The following PTPRD variants were observed in gnomAD, a reference collection of about 807,000 sequenced individuals.
PTPRD encodes the protein receptor-type tyrosine-protein phosphatase delta.
A neutral mutation model predicts 214.5 loss-of-function variants in PTPRD; 34 were observed. The ratio of observed to expected loss-of-function variants is 0.16; its 90% CI spans 0.12 to 0.21. The LOEUF is 0.21. Ranked by LOEUF, PTPRD falls within the 10% of genes least tolerant of loss-of-function variation. The pLI, the probability that PTPRD is intolerant of heterozygous loss-of-function variation, is 1.00. For synonymous variants in PTPRD, 1,128 were observed against 845.7 expected, an observed-to-expected ratio of 1.33 and a Z score of -5.79; for missense variants, 2,545 against 2,398.7, an observed-to-expected ratio of 1.06 and a Z score of -1.27.
chr9:9,117,939 T>C lies in PTPRD; in HGVS notation c.-143+65365A>G, dbSNP rs191708667. 2.0e-5 allele frequency among the ~76,000 whole-genome samples: 3 copies of C among 152,278 alleles called. No individual in the cohort carries two copies. In the East Asian group the frequency reaches 5.8e-4, roughly 29 times the overall value. ...GTGGCATCTGAAGTTTACACGATGT[T>C]GATGCTGTTTTTTTGGAAAAATAAA... On this transcript the variant is annotated intron_variant, in intron 10 of 45. Transcript: ENST00000381196.
chr9:9,371,806 T>A (rs1026961685), intron 9 of PTPRD, among the ~76,000 whole-genome samples: 2 of 152,166 alleles, frequency 1.3e-5, no homozygotes, highest in Non-Finnish European at 1.5e-5. Flanking sequence ...GATTCTGGTA[T>A]GTTGTGTCTT....
At chr9:9,434,835 A>G (rs1183139800) in intron 8 of PTPRD, among the ~76,000 whole-genome samples, 1 of 148,740 alleles carries the variant, frequency 6.7e-6, no homozygotes, top group Non-Finnish European at 1.5e-5. Context: ...CAGATTATAT[A>G]TTATTTTTAT....
chr9:10,165,236 A>G (rs1190830600), intron 3 of PTPRD, among the ~76,000 whole-genome samples: 1 of 151,676 alleles, frequency 6.6e-6, no homozygotes, highest in Admixed American at 6.6e-5. Context: ...AAGTAACATC[A>G]AGTTAATCTT....
chr9:8,434,208 C>A (rs777072292), intron 35 of PTPRD, among the ~76,000 whole-genome samples: 10 of 152,176 alleles, frequency 6.6e-5, no homozygotes, highest in Non-Finnish European at 1.3e-4. Flanking sequence ...TCCCGAACTC[C>A]TGAACTCAGG....
chr9:9,796,949 T>G (rs1037382334), intron 5 of PTPRD, among the ~76,000 whole-genome samples: 21 of 152,164 alleles, frequency 1.4e-4, no homozygotes, highest in Non-Finnish European at 2.5e-4. Flanking sequence ...ATCTGAATAG[T>G]AATATTTAAA....
intron 8 of PTPRD, among the ~76,000 whole-genome samples, chr9:9,552,255 G>A (rs917599293): frequency 3.3e-5 from 5 of 151,938 alleles, no homozygotes; most frequent in African/African-American, 1.2e-4. Flanking sequence ...CAGAAGGAAA[G>A]CAGTACATAA....
chr9:9,468,562 G>C (rs921484621), intron 8 of PTPRD, among the ~76,000 whole-genome samples: 2 of 151,890 alleles, frequency 1.3e-5, no homozygotes, highest in African/African-American at 2.4e-5. Context: ...GGACATATCA[G>C]TTATTAATAT....
intron 11 of PTPRD, among the ~76,000 whole-genome samples, chr9:9,004,688 T>C (rs960551988): frequency 6.6e-6 from 1 of 152,008 alleles, no homozygotes; most frequent in Non-Finnish European, 1.5e-5. Flanking sequence ...AGGGCAAAAC[T>C]GCCTGCGGAG....
chr9:8,709,269 C>T (rs1407041856), intron 12 of PTPRD, among the ~76,000 whole-genome samples: 2 of 151,984 alleles, frequency 1.3e-5, no homozygotes, highest in Admixed American at 1.3e-4. Context: ...AATGCCAGCA[C>T]TTTGGGAGGC....
intron 11 of PTPRD, among the ~76,000 whole-genome samples, chr9:8,948,547 ATATATTTATATATATT>A (rs2099084540): frequency 1.1e-5 from 1 of 87,662 alleles, no homozygotes; most frequent in East Asian, 3.0e-4. Flanking sequence ...ATATATTTAT[ATATATTTATATATATT>A]TATATATATA....
intron 14 of PTPRD, among the ~76,000 whole-genome samples, chr9:8,569,829 T>G (rs1310191251): frequency 6.6e-6 from 1 of 152,164 alleles, no homozygotes; most frequent in Non-Finnish European, 1.5e-5. Context: ...TTGTAAAACT[T>G]CCATTTGAAT....
At chr9:8,435,698 AAT>A (rs144439068) in intron 35 of PTPRD, among the ~76,000 whole-genome samples, 1 of 106,792 alleles carries the variant, frequency 9.4e-6, no homozygotes, top group Non-Finnish European at 2.0e-5. Flanking sequence ...ACAATATCCA[AAT>A]ACACACACAC....
At chr9:10,562,470 A>G (rs749636783) in intron 2 of PTPRD, among the ~76,000 whole-genome samples, 8 of 152,102 alleles carry the variant, frequency 5.3e-5, no homozygotes, top group Non-Finnish European at 8.8e-5. Flanking sequence ...AAAAGTTGAA[A>G]GTTACTGAAG....
In PTPRD at chr9:9,034,851, T is replaced by C. The variant is rs570820180; in HGVS notation, c.-142-16116A>G. On this transcript the variant is annotated intron_variant, in intron 10 of 45. Coordinates refer to ENST00000381196, the MANE Select transcript of PTPRD (RefSeq NM_002839.4). ...AACACCACTCAATGAATGCTACTTATTAATAGTAGAAAATAACTTCAACAT... is the reference window on the plus strand; with the variant it reads ...AACACCACTCAATGAATGCTACTTACTAATAGTAGAAAATAACTTCAACAT... Among the ~76,000 whole-genome samples the C allele has an allele frequency of 7.9e-5, 12 of 152,262 alleles. No individual in the cohort carries two copies. In the East Asian group the frequency reaches 2.3e-3, roughly 29 times the overall value.
At chr9:9,570,609 CTACT>C (rs2086068788) in intron 8 of PTPRD, among the ~76,000 whole-genome samples, 1 of 151,510 alleles carries the variant, frequency 6.6e-6, no homozygotes, top group South Asian at 2.1e-4. Context: ...AGTATTAGTG[CTACT>C]TAAAGTCTTA....
intron 43 of PTPRD, among the ~76,000 whole-genome samples, chr9:8,333,642 T>A (rs190921516): frequency 7.1e-6 from 1 of 140,398 alleles, no homozygotes; most frequent in African/African-American, 3.3e-5. Context: ...AGAAGCTGCA[T>A]AATTAATGGG....
intron 2 of PTPRD, among the ~76,000 whole-genome samples, chr9:10,388,339 G>T (rs1418362012): frequency 6.6e-6 from 1 of 151,714 alleles, no homozygotes; most frequent in East Asian, 2.0e-4. Context: ...TGATTAAAAA[G>T]AAATATGCTT....
At chr9:10,432,823 C>T (rs1013771403) in intron 2 of PTPRD, among the ~76,000 whole-genome samples, 1 of 152,024 alleles carries the variant, frequency 6.6e-6, no homozygotes, top group Non-Finnish European at 1.5e-5. Context: ...TGGGACCAAA[C>T]AAACTACTCC....
At chr9:8,812,730 G>A (rs746327987) in intron 11 of PTPRD, among the ~76,000 whole-genome samples, 7 of 151,592 alleles carry the variant, frequency 4.6e-5, no homozygotes, top group African/African-American at 9.7e-5. Context: ...AGGAGGACTC[G>A]GTGGGGCTTG....
Sources: allele counts gnomAD v4.1 joint callset (sites outside exome capture counted in the v4.1 genomes callset), GRCh38; gene constraint gnomAD v4.1.1; transcripts MANE v1.5; gene names NCBI Gene and HGNC (gene_info 2026-07-23, HGNC 2026-07-21).